Variants in UBE2G1 observed in about 807,000 individuals in gnomAD.
UBE2G1 encodes ubiquitin conjugating enzyme E2 G1, also known as ubiquitin-conjugating enzyme E2 G1.
Under a neutral mutation model 22.7 loss-of-function variants are expected in UBE2G1, and 5 were observed. The observed-to-expected ratio is 0.22, with a 90% CI of 0.12 to 0.46. UBE2G1 has a LOEUF of 0.46. Ranked by LOEUF, UBE2G1 falls within the 20% of genes least tolerant of loss-of-function variation. The probability of loss-of-function intolerance (pLI) is 0.99; values close to 1 mark genes in which losing one functional copy is unlikely to be tolerated. For missense variants in UBE2G1, 88 were observed against 203.9 expected, an observed-to-expected ratio of 0.43 and a Z score of 3.46; for synonymous variants, 74 against 67.5, an observed-to-expected ratio of 1.10 and a Z score of -0.47.
At chr17:4,300,356 A>G (rs1327198320) in intron 2 of UBE2G1, among the ~76,000 whole-genome samples, 3 of 151,170 alleles carry the variant, frequency 2.0e-5, no homozygotes, top group Non-Finnish European at 4.4e-5. Context: ...CAACCTGACC[A>G]ATATGGTGAA....
At chr17:4,296,696 A>T in intron 3 of UBE2G1, 21 bp downstream of exon 3, 9 of 1,606,096 alleles carry the variant, frequency 5.6e-6, no homozygotes, top group Non-Finnish European at 7.7e-6. Context: ...CAAATGTAAA[A>T]GTAAAACTAG....
At chr17:4,292,430 G>A (rs1969053645) in intron 3 of UBE2G1, among the ~76,000 whole-genome samples, 1 of 151,742 alleles carries the variant, frequency 6.6e-6, no homozygotes. Flanking sequence ...CTAAAATTCT[G>A]AAAAACTGAT....
intron 4 of UBE2G1, 103 bp downstream of exon 4, chr17:4,289,127 A>ACACG (rs1224150464): frequency 2.4e-6 from 2 of 822,890 alleles, no homozygotes; most frequent in African/African-American, 1.7e-5. Flanking sequence ...ACACACACAC[A>ACACG]CACGCATGCA....
chr17:4,311,744 A>C (rs1426600364), intron 1 of UBE2G1, among the ~76,000 whole-genome samples: 1 of 152,226 alleles, frequency 6.6e-6, no homozygotes, highest in Non-Finnish European at 1.5e-5. Flanking sequence ...AATACACGAA[A>C]CACCACTGAG....
At chr17:4,338,512 T>C (rs1293425160) in intron 1 of UBE2G1, among the ~76,000 whole-genome samples, 2 of 152,208 alleles carry the variant, frequency 1.3e-5, no homozygotes, top group Non-Finnish European at 2.9e-5. Flanking sequence ...GACATTTTCA[T>C]AGTAAGTAAA....
intron 5 of UBE2G1, among the ~76,000 whole-genome samples, chr17:4,280,554 G>A (rs532351952): frequency 6.6e-6 from 1 of 151,664 alleles, no homozygotes; most frequent in South Asian, 2.1e-4. Context: ...CAGCCACATG[G>A]ACCAGGCTGG....
At chr17:4,328,109 T>C (rs1598195795) in intron 1 of UBE2G1, among the ~76,000 whole-genome samples, 1 of 152,288 alleles carries the variant, frequency 6.6e-6, no homozygotes, top group Middle Eastern at 3.4e-3. Context: ...CAAAATTTCT[T>C]AGTTTTGGAA....
rs1444998478 is a variant in UBE2G1, at chr17:4,270,619, T to C, written c.*1935A>G. 6.7e-6 allele frequency: 1 copy of C among 149,320 alleles called. No individual in the cohort carries two copies. The highest frequency in any genetic ancestry group is 2.5e-5 in the African/African-American group (1 of 40,778). 9.2% of individuals were successfully genotyped at this position (149,320 alleles called of 1,614,324 possible). A position where few individuals can be genotyped will look rare whatever the true frequency, so the allele number is the denominator to read the frequency against. ...TGGAGGGTGTGCAGTGCTGACATTTTGGGGCAACTATTTTTACAGTCTTTG... is the reference window on the plus strand; with the variant it reads ...TGGAGGGTGTGCAGTGCTGACATTTCGGGGCAACTATTTTTACAGTCTTTG... On this transcript the variant is annotated 3_prime_UTR_variant, in exon 6 of 6. Transcript: ENST00000396981.
rs147288717 is a variant in UBE2G1 at position 4,298,228 on chromosome 17, G to C, written c.150-1414C>G. On this transcript the variant is annotated intron_variant, in intron 2 of 5. Transcript: ENST00000396981. Reference sequence around the variant, plus strand: ...TAATTCTAGCTACTTGAGAGGCTGAGGGGGGAAGGATCCCTTCAGCCCAAG... The same window carrying C: ...TAATTCTAGCTACTTGAGAGGCTGACGGGGGAAGGATCCCTTCAGCCCAAG... Among the ~76,000 whole-genome samples the C allele has an allele frequency of 2.6e-3, 397 of 152,282 alleles. 1 individual carries two copies. The highest frequency in any genetic ancestry group is 9.2e-3 in the African/African-American group (381 of 41,560).
At chr17:4,277,173 G>A (rs1224024561) in intron 5 of UBE2G1, among the ~76,000 whole-genome samples, 2 of 152,160 alleles carry the variant, frequency 1.3e-5, no homozygotes, top group Admixed American at 1.3e-4. Flanking sequence ...CAGAACTGAG[G>A]GAGAACTCCA....
intron 3 of UBE2G1, among the ~76,000 whole-genome samples, chr17:4,294,414 T>G (rs1038028033): frequency 4.0e-5 from 2 of 49,454 alleles, no homozygotes; most frequent in Non-Finnish European, 6.5e-5. Context: ...AGACTCCGTC[T>G]CAAAAAAAAA....
chr17:4,360,370 T>G (rs1969953144), intron 1 of UBE2G1, among the ~76,000 whole-genome samples: 1 of 152,140 alleles, frequency 6.6e-6, no homozygotes, highest in Non-Finnish European at 1.5e-5. Context: ...CACTGTACCC[T>G]CCTGCCAACA....
chr17:4,294,056 G>A (rs958706266), intron 3 of UBE2G1, among the ~76,000 whole-genome samples: 18 of 152,056 alleles, frequency 1.2e-4, no homozygotes, highest in Non-Finnish European at 2.2e-4. Flanking sequence ...AGCTTTAAAT[G>A]TCATGAATTA....
intron 1 of UBE2G1, among the ~76,000 whole-genome samples, chr17:4,352,323 G>A (rs1022215683): frequency 5.3e-5 from 8 of 152,076 alleles, no homozygotes; most frequent in African/African-American, 1.2e-4. Context: ...TCCAACTCCC[G>A]GGCTCAAGCG....
At chr17:4,361,709 C>T (rs559150343) in intron 1 of UBE2G1, among the ~76,000 whole-genome samples, 60 of 151,550 alleles carry the variant, frequency 4.0e-4, no homozygotes, top group Non-Finnish European at 5.2e-4. Context: ...TAAGCTGAGG[C>T]GGGTGAATCA....
chr17:4,274,104 C>T (rs552191731), intron 5 of UBE2G1, among the ~76,000 whole-genome samples: 3 of 151,760 alleles, frequency 2.0e-5, no homozygotes, highest in Admixed American at 2.0e-4. Flanking sequence ...CCTCAGCCTC[C>T]CGAGTAGCTG....
intron 1 of UBE2G1, among the ~76,000 whole-genome samples, chr17:4,342,851 A>C (rs778433488): frequency 6.6e-6 from 1 of 152,076 alleles, no homozygotes; most frequent in Non-Finnish European, 1.5e-5. Context: ...CCTGTAAAAA[A>C]TCACACAGCC....
chr17:4,321,425 C>T lies in UBE2G1; in HGVS notation c.47-14302G>A, dbSNP rs533547540. 2.6e-5 allele frequency among the ~76,000 whole-genome samples: 4 copies of T among 152,208 alleles called. 1 individual carries two copies. In the South Asian group the frequency reaches 6.2e-4, roughly 24 times the overall value. On this transcript the variant is annotated intron_variant, in intron 1 of 5. Coordinates refer to ENST00000396981, the MANE Select transcript of UBE2G1 (RefSeq NM_003342.5). The stretch of plus-strand genomic sequence containing the variant: ...GCATTTACATATTTTTATTCCCCCA[C>T]CCCGTTTTTTTTACATTGAGTGATT...
chr17:4,321,103 T>G (rs771881060), intron 1 of UBE2G1, among the ~76,000 whole-genome samples: 1 of 152,096 alleles, frequency 6.6e-6, no homozygotes, highest in Non-Finnish European at 1.5e-5. Context: ...TGAGCTATGA[T>G]CGCACCATGG....
Sources: allele counts gnomAD v4.1 joint callset (sites outside exome capture counted in the v4.1 genomes callset), GRCh38; gene constraint gnomAD v4.1.1; transcripts MANE v1.5; gene names NCBI Gene and HGNC (gene_info 2026-07-23, HGNC 2026-07-21).